The following TCF12 variants were observed in gnomAD, a reference collection of about 807,000 sequenced individuals.
TCF12 encodes the protein transcription factor 12.
TCF12 carries 45 observed loss-of-function variants against 86.0 expected under a neutral mutation model. That is an observed-to-expected ratio of 0.52 (90% CI 0.41 to 0.67). The LOEUF is 0.67. TCF12 is among the 30% of genes least tolerant of loss of function. The pLI, the probability that TCF12 is intolerant of heterozygous loss-of-function variation, is 0.00. For synonymous variants in TCF12, 330 were observed against 299.6 expected, an observed-to-expected ratio of 1.10 and a Z score of -1.05; for missense variants, 881 against 859.9, an observed-to-expected ratio of 1.02 and a Z score of -0.31.
chr15:57,251,571 A>G, intron 14 of TCF12, 148 bp downstream of exon 14: 1 of 750,628 alleles, frequency 1.3e-6, no homozygotes, highest in South Asian at 1.8e-5. Flanking sequence ...ACAATATAAG[A>G]CACATTGGGT....
intron 13 of TCF12, among the ~76,000 whole-genome samples, chr15:57,244,904 T>A (rs1014828834): frequency 2.0e-5 from 3 of 152,210 alleles, no homozygotes; most frequent in Non-Finnish European, 4.4e-5. Flanking sequence ...AATATAAGTA[T>A]ATAAAAATGT....
chr15:56,950,830 T>C (rs2061239446), intron 3 of TCF12, among the ~76,000 whole-genome samples: 1 of 145,708 alleles, frequency 6.9e-6, no homozygotes, highest in African/African-American at 2.6e-5. Flanking sequence ...GATCTCGGCT[T>C]ACCACAACCT....
At chr15:57,215,438 G>A (rs1330663572) in intron 8 of TCF12, among the ~76,000 whole-genome samples, 1 of 152,100 alleles carries the variant, frequency 6.6e-6, no homozygotes, top group Non-Finnish European at 1.5e-5. Flanking sequence ...GGAAAATATA[G>A]TGTTCATTCG....
At chr15:57,007,759 T>C (rs532427372) in intron 3 of TCF12, among the ~76,000 whole-genome samples, 16 of 22,548 alleles carry the variant, frequency 7.1e-4, no homozygotes, top group Middle Eastern at 0.023. Flanking sequence ...TTTTTCCTTC[T>C]TTCTTTCTTT....
At chr15:57,149,651 A>G (rs1253893979) in intron 5 of TCF12, among the ~76,000 whole-genome samples, 3 of 152,194 alleles carry the variant, frequency 2.0e-5, no homozygotes, top group Non-Finnish European at 2.9e-5. Context: ...CCCATTATCT[A>G]TTATGGTAAA....
intron 4 of TCF12, among the ~76,000 whole-genome samples, chr15:57,086,072 CCCTT>C (rs2048602880): frequency 6.6e-6 from 1 of 151,996 alleles, no homozygotes; most frequent in Non-Finnish European, 1.5e-5. Flanking sequence ...CTCCTCCCCT[CCCTT>C]TGTCATTTGT....
intron 3 of TCF12, among the ~76,000 whole-genome samples, chr15:56,958,458 G>A (rs1394054987): frequency 6.6e-6 from 1 of 152,144 alleles, no homozygotes; most frequent in Non-Finnish European, 1.5e-5. Context: ...ATGGCAGGCA[G>A]AGGTTCTAAC....
intron 3 of TCF12, among the ~76,000 whole-genome samples, chr15:57,051,594 G>T (rs1440306791): frequency 6.6e-6 from 1 of 152,022 alleles, no homozygotes; most frequent in African/African-American, 2.4e-5. Flanking sequence ...AAAGTGCTGG[G>T]ATTACAGGCA....
chr15:57,230,173 C>T (rs2151913335), intron 8 of TCF12, among the ~76,000 whole-genome samples: 1 of 151,972 alleles, frequency 6.6e-6, no homozygotes, highest in East Asian at 1.9e-4. Flanking sequence ...TACATGCTTC[C>T]ATAATGTTAA....
chr15:57,216,131 C>A (rs1323387634), intron 8 of TCF12, among the ~76,000 whole-genome samples: 1 of 152,084 alleles, frequency 6.6e-6, no homozygotes, highest in African/African-American at 2.4e-5. Context: ...AACATAACAT[C>A]CTGATAACAT....
chr15:57,038,977 A>C (rs1276751692), intron 3 of TCF12, among the ~76,000 whole-genome samples: 2 of 152,176 alleles, frequency 1.3e-5, no homozygotes, highest in African/African-American at 4.8e-5. Flanking sequence ...GAATGAGGAA[A>C]AATGAAAAGG....
In TCF12 at chr15:56,919,973, A is replaced by G. The variant is rs537460287; in HGVS notation, c.60A>G (p.Leu20=). ...GGACCGACAAGGAGCTGAGCGACCT[A>G]CTGGACTTCAGTGCGGTATGAGAGC... ...AIGTDKELSD[L]LDFSAMFSPP... The change falls in exon 2 of 21, where the codon CTA becomes CTG. Residue 20 remains leucine (L), a synonymous_variant. Coordinates refer to ENST00000333725, the MANE Select transcript of TCF12 (RefSeq NM_207037.2). 4 of 1,613,826 alleles carry G rather than the reference A, an allele frequency of 2.5e-6. No individual in the cohort carries two copies. In the South Asian group the frequency reaches 3.3e-5, roughly 13 times the overall value.
intron 12 of TCF12, among the ~76,000 whole-genome samples, chr15:57,240,902 G>C (rs12324209): frequency 0.37 from 36,897 of 98,716 alleles, 6,437 homozygotes; most frequent in African/African-American, 0.55. Flanking sequence ...AAAAAAAAAA[G>C]AAAGGGAAAA....
intron 5 of TCF12, among the ~76,000 whole-genome samples, chr15:57,115,027 CAATT>C (rs1309113174): frequency 1.3e-5 from 2 of 151,946 alleles, no homozygotes; most frequent in Non-Finnish European, 2.9e-5. Flanking sequence ...AATTCTCAAA[CAATT>C]AAATGTCTGA....
At chr15:57,056,875 A>G (rs2068074049) in intron 3 of TCF12, among the ~76,000 whole-genome samples, 1 of 151,074 alleles carries the variant, frequency 6.6e-6, no homozygotes, top group Admixed American at 6.6e-5. Flanking sequence ...ATCTGCTTTA[A>G]TGTCCTTGTC....
At chr15:57,068,999 C>A (rs1002015836) in intron 4 of TCF12, among the ~76,000 whole-genome samples, 2 of 152,038 alleles carry the variant, frequency 1.3e-5, no homozygotes, top group Non-Finnish European at 2.9e-5. Context: ...TGTACAAATT[C>A]TGTTTCTAGA....
chr15:57,196,861 T>C (rs553325190), intron 7 of TCF12, among the ~76,000 whole-genome samples: 1 of 152,358 alleles, frequency 6.6e-6, no homozygotes, highest in Non-Finnish European at 1.5e-5. Context: ...AAATACTGAA[T>C]GATACTGCAT....
At chr15:57,252,211 A>G (rs181728819) in intron 14 of TCF12, 3 of 428,340 alleles carry the variant, frequency 7.0e-6, no homozygotes, top group Admixed American at 8.3e-5. Context: ...TTTGCAAGCA[A>G]TTATAAGCAA....
At chr15:57,234,132 A>G (rs755730489) in intron 12 of TCF12, 25 bp downstream of exon 12, 138 of 1,594,122 alleles carry the variant, frequency 8.7e-5, no homozygotes, top group Admixed American at 4.8e-4. Context: ...TACACATTCT[A>G]CTGAATGAAT....
Sources: allele counts gnomAD v4.1 joint callset (sites outside exome capture counted in the v4.1 genomes callset), GRCh38; gene constraint gnomAD v4.1.1; transcripts MANE v1.5; gene names NCBI Gene and HGNC (gene_info 2026-07-23, HGNC 2026-07-21).